TENM2: variants seen among roughly 807,000 people sequenced by gnomAD.
TENM2 encodes teneurin-2.
In TENM2, 52 loss-of-function variants were observed where a neutral mutation model predicts 245.2. That is an observed-to-expected ratio of 0.21 (90% CI 0.17 to 0.27). The LOEUF (loss-of-function observed/expected upper bound fraction) is 0.27. TENM2 is among the 10% of genes least tolerant of loss of function. TENM2 has a pLI of 1.00. For synonymous variants in TENM2, 1,363 were observed against 1,438.9 expected (o/e 0.95, Z 1.19); for missense variants, 3,046 against 3,666.8 (o/e 0.83, Z 4.37).
At chr5:167,930,694 G>T (rs1411345724) in intron 3 of TENM2, among the ~76,000 whole-genome samples, 1 of 151,884 alleles carries the variant, frequency 6.6e-6, no homozygotes, top group Non-Finnish European at 1.5e-5. Context: ...CATTGCCCAG[G>T]CTGGTAGAAT....
At chr5:168,037,419 A>T (rs1787804888) in intron 5 of TENM2, among the ~76,000 whole-genome samples, 1 of 152,204 alleles carries the variant, frequency 6.6e-6, no homozygotes, top group Non-Finnish European at 1.5e-5. Flanking sequence ...GCGTCAAACC[A>T]GGTAGAAATA....
intron 3 of TENM2, among the ~76,000 whole-genome samples, chr5:167,926,658 T>C (rs559961498): frequency 5.1e-4 from 77 of 151,022 alleles, no homozygotes; most frequent in Middle Eastern, 3.4e-3. Flanking sequence ...GAGGCAGAGG[T>C]TGCAGTGAGC....
chr5:167,316,634 T>C (rs1220939219), intron 1 of TENM2, among the ~76,000 whole-genome samples: 1 of 152,068 alleles, frequency 6.6e-6, no homozygotes, highest in African/African-American at 2.4e-5. Flanking sequence ...TATCCACACA[T>C]CCCCACACAT....
chr5:167,494,132 C>T (rs1768625221), intron 2 of TENM2, among the ~76,000 whole-genome samples: 1 of 152,064 alleles, frequency 6.6e-6, no homozygotes, highest in South Asian at 2.1e-4. Flanking sequence ...GAGTATGTGA[C>T]AGCCAGTGGA....
intron 2 of TENM2, 83 bp downstream of exon 4, chr5:167,375,556 C>T (rs1252742942): frequency 1.4e-6 from 2 of 1,382,308 alleles, no homozygotes; most frequent in Non-Finnish European, 9.9e-7. Context: ...TTTAATGAAG[C>T]GGCGTCATAA....
At chr5:167,975,726 T>C (rs1376741197) in intron 4 of TENM2, among the ~76,000 whole-genome samples, 1 of 152,028 alleles carries the variant, frequency 6.6e-6, no homozygotes, top group East Asian at 1.9e-4. Context: ...TGTGAGTAAA[T>C]ATGCAGATAG....
chr5:167,031,391 A>G, the TENM2 span, among the ~76,000 whole-genome samples: 1 of 152,228 alleles, frequency 6.6e-6, no homozygotes, highest in Non-Finnish European at 1.5e-5. Context: ...GGATTCCCAC[A>G]TAACACCACT....
At chr5:167,770,616 C>T (rs1038266024) in intron 2 of TENM2, among the ~76,000 whole-genome samples, 3 of 152,294 alleles carry the variant, frequency 2.0e-5, no homozygotes, top group South Asian at 2.1e-4. Context: ...CGTTGCACTT[C>T]GTCTGTAAGA....
chr5:167,531,592 A>G (rs1325038870), intron 2 of TENM2, among the ~76,000 whole-genome samples: 2 of 151,886 alleles, frequency 1.3e-5, no homozygotes, highest in Non-Finnish European at 2.9e-5. Context: ...GAACTTATTC[A>G]TCCTCTCTAA....
intron 2 of TENM2, among the ~76,000 whole-genome samples, chr5:167,587,828 A>G (rs1775607831): frequency 6.6e-6 from 1 of 152,196 alleles, no homozygotes; most frequent in African/African-American, 2.4e-5. Context: ...TGAAAGGTGT[A>G]ACTATTTTCC....
chr5:167,336,176 CTTTTTTT>C (rs35059289), intron 1 of TENM2, among the ~76,000 whole-genome samples: 51 of 83,110 alleles, frequency 6.1e-4, no homozygotes, highest in African/African-American at 1.7e-3. Context: ...TTCATTTCTC[CTTTTTTT>C]TTTTTTTTTT....
At chr5:167,995,768 A>C (rs777339860) in intron 5 of TENM2, among the ~76,000 whole-genome samples, 1 of 152,250 alleles carries the variant, frequency 6.6e-6, no homozygotes, top group Non-Finnish European at 1.5e-5. Flanking sequence ...TTTGAAGATG[A>C]AAAGCAGTAT....
At chr5:167,317,669 C>T (rs1438895852) in intron 1 of TENM2, among the ~76,000 whole-genome samples, 7 of 152,196 alleles carry the variant, frequency 4.6e-5, no homozygotes, top group Admixed American at 6.5e-5. Context: ...CCACATTCAT[C>T]GCATGCACTT....
intron 2 of TENM2, among the ~76,000 whole-genome samples, chr5:167,852,304 T>C (rs1770655698): frequency 6.6e-6 from 1 of 152,196 alleles, no homozygotes; most frequent in Non-Finnish European, 1.5e-5. Flanking sequence ...ATTAAGCATA[T>C]GCCAAGCAAT....
At chr5:168,044,124 G>T (rs183923982) in intron 5 of TENM2, among the ~76,000 whole-genome samples, 5 of 152,284 alleles carry the variant, frequency 3.3e-5, no homozygotes, top group East Asian at 1.9e-4. Flanking sequence ...TATAGAAAAG[G>T]TTCAATGATG....
At chr5:167,132,502 C>G in the TENM2 span, among the ~76,000 whole-genome samples, 1 of 152,018 alleles carries the variant, frequency 6.6e-6, no homozygotes, top group Non-Finnish European at 1.5e-5. Context: ...TTCCTTCCCC[C>G]TGAGAAGAAA....
rs189628002 is a variant in TENM2, at chr5:167,589,567, T to C, written c.502+214094T>C. ...AATTAGCATATTTTAAAAATATATA[T>C]TTTAAACTATAAAAGTAGAATTGCT... On this transcript the variant is annotated intron_variant, in intron 2 of 28. Transcript: ENST00000518659. 1.6e-4 allele frequency among the ~76,000 whole-genome samples: 25 copies of C among 152,204 alleles called. No individual in the cohort carries two copies. The East Asian group carries it at 3.1e-3, about 19-fold the overall frequency.
chr5:168,090,500 C>T (rs2053049), intron 7 of TENM2, 74 bp from the exon 10 acceptor site: 50 of 1,349,810 alleles, frequency 3.7e-5, no homozygotes, highest in South Asian at 1.4e-4. Flanking sequence ...CAAATGGGTT[C>T]GGGGGGAAGG....
the TENM2 span, among the ~76,000 whole-genome samples, chr5:167,096,215 G>T: frequency 6.6e-6 from 1 of 152,134 alleles, no homozygotes; most frequent in East Asian, 1.9e-4. Flanking sequence ...ATAAAATCAA[G>T]CTGATACTAC....
Sources: gnomAD v4.1 joint callset for allele counts (sites outside exome capture counted in the v4.1 genomes callset) on GRCh38, gnomAD v4.1.1 for gene constraint, MANE v1.5 for transcripts, NCBI Gene and HGNC (gene_info 2026-07-23, HGNC 2026-07-21) for gene names.